Variants in RBM33 observed in about 807,000 individuals in gnomAD.
The protein encoded by RBM33 is RNA-binding protein 33.
In RBM33, 28 loss-of-function variants were observed where a neutral mutation model predicts 132.6. The observed-to-expected ratio is 0.21, with a 90% CI of 0.16 to 0.29. The LOEUF (loss-of-function observed/expected upper bound fraction) is 0.29, where lower values mean the gene tolerates loss of function less well. RBM33 is among the 10% of genes least tolerant of loss of function. The probability of loss-of-function intolerance (pLI) is 1.00; values close to 1 mark genes in which losing one functional copy is unlikely to be tolerated. For synonymous variants in RBM33, 634 were observed against 593.0 expected, an observed-to-expected ratio of 1.07 and a Z score of -1.01; for missense variants, 1,291 against 1,518.5, an observed-to-expected ratio of 0.85 and a Z score of 2.49.
intron 3 of RBM33, among the ~76,000 whole-genome samples, chr7:155,673,768 G>GCGCGCGCGCACACA (rs1554469952): frequency 2.3e-5 from 3 of 132,962 alleles, no homozygotes; most frequent in African/African-American, 6.5e-5. Flanking sequence ...GCGCATGCGC[G>GCGCGCGCGCACACA]CACACACACA....
intron 5 of RBM33, among the ~76,000 whole-genome samples, chr7:155,685,226 A>G (rs1271600611): frequency 2.0e-5 from 3 of 152,160 alleles, no homozygotes; most frequent in African/African-American, 4.8e-5. Context: ...GTGTGCTGTG[A>G]TTTCCGCATA....
At chr7:155,647,587 C>T (rs992533285) in intron 1 of RBM33, among the ~76,000 whole-genome samples, 6 of 152,100 alleles carry the variant, frequency 3.9e-5, no homozygotes, top group Non-Finnish European at 4.4e-5. Context: ...TGCACCAGCA[C>T]GCCTGGCTAA....
chr7:155,718,294 T>C (rs1456793852), intron 8 of RBM33, 91 bp from the exon 9 acceptor site: 4 of 946,326 alleles, frequency 4.2e-6, no homozygotes, highest in East Asian at 4.8e-5. Context: ...GTACGCATAG[T>C]ATATATTTTA....
At chr7:155,681,546 T>G (rs570194436) in intron 5 of RBM33, among the ~76,000 whole-genome samples, 1 of 152,198 alleles carries the variant, frequency 6.6e-6, no homozygotes, top group Non-Finnish European at 1.5e-5. Flanking sequence ...ATTCTCACCT[T>G]TAAATGACTC....
intron 9 of RBM33, among the ~76,000 whole-genome samples, chr7:155,727,458 A>G (rs981952712): frequency 1.3e-5 from 2 of 152,212 alleles, no homozygotes; most frequent in African/African-American, 2.4e-5. Context: ...TGTGGCTGAC[A>G]TGTTTGTCAG....
At position 155,672,758 on chromosome 7, in the gene RBM33, A is replaced by C. The variant is rs1798978536; in HGVS notation, c.123-109A>C. The C allele has an allele frequency of 4.4e-6, 3 of 683,042 alleles. No individual in the cohort carries two copies. In the East Asian group the frequency reaches 9.2e-5, roughly 21 times the overall value. 42.3% of individuals were successfully genotyped at this position (683,042 alleles called of 1,614,324 possible). A position where few individuals can be genotyped will look rare whatever the true frequency, so the allele number is the denominator to read the frequency against. On this transcript the variant is annotated intron_variant, in intron 2 of 17. Coordinates refer to ENST00000401878, the MANE Select transcript of RBM33 (RefSeq NM_053043.3). ...AGGCTTTGTCTCAAAAAAAAAAAAA[A>C]AAAAAAAGGTACCTGAGCTGTAGAG...
chr7:155,764,132 GT>G, intron 15 of RBM33, 114 bp downstream of exon 15: 1 of 797,550 alleles, frequency 1.3e-6, no homozygotes, highest in Non-Finnish European at 1.9e-6. Flanking sequence ...ACATTCATAA[GT>G]GAACCATCAT....
At chr7:155,703,707 C>T (rs1332213489) in intron 6 of RBM33, among the ~76,000 whole-genome samples, 1 of 152,150 alleles carries the variant, frequency 6.6e-6, no homozygotes, top group East Asian at 1.9e-4. Context: ...ATGAATTTTA[C>T]ATCTGAGGAA....
Position 155,774,766 on chromosome 7 carries a change from A to T in RBM33, c.3464+119A>T. ...TCCCCACCTGTTCCTGTAGAAGGACACTAGGGCACAAAGCGCAGACGGTGA... is the reference window on the plus strand; with the variant it reads ...TCCCCACCTGTTCCTGTAGAAGGACTCTAGGGCACAAAGCGCAGACGGTGA... On this transcript the variant is annotated intron_variant, in intron 17 of 17. Transcript: ENST00000401878. This position sits in a 1 kb window ranked among gnomAD's most constrained non-coding sequence, Gnocchi z 4.2. 2 of 903,934 alleles carry T rather than the reference A, an allele frequency of 2.2e-6. No homozygotes were observed. Among genetic ancestry groups the T allele is most frequent in the Non-Finnish European group, 3.6e-6 (2 of 548,572 alleles). The allele number at this position is 903,934 out of a possible 1,614,324, so 56.0% of individuals were successfully genotyped here. A position where few individuals can be genotyped will look rare whatever the true frequency, so the allele number is the denominator to read the frequency against.
chr7:155,706,972 G>T lies in RBM33; in HGVS notation c.852G>T (p.Met284Ile). ...GAGGACGGCGAGGAGGTCCGCTGAT[G>T]TGTCGTGGTGTGGGGGACCAGAGGA... is the stretch of plus-strand genomic sequence containing the variant. ...RRGGRRGGPL[M>I]CRGVGDQRRE... Residue 284 changes from methionine (M) to isoleucine (I), a missense_variant, in exon 7 of 18, where the codon ATG becomes ATT. Physicochemically the swap from Met to Ile is conservative, Grantham distance 10 (BLOSUM62 1). Transcript: ENST00000401878. 6.3e-7 allele frequency: 1 copy of T among 1,598,122 alleles called. No homozygotes were observed.
At chr7:155,765,415 C>T (rs1802180534) in intron 15 of RBM33, among the ~76,000 whole-genome samples, 1 of 152,240 alleles carries the variant, frequency 6.6e-6, no homozygotes, top group African/African-American at 2.4e-5. Flanking sequence ...ACTTAATTCA[C>T]AGGCATAGTT....
chr7:155,716,243 T>C (rs968496755), intron 8 of RBM33, among the ~76,000 whole-genome samples: 1 of 151,488 alleles, frequency 6.6e-6, no homozygotes, highest in African/African-American at 2.4e-5. Context: ...GCCAGGTGTC[T>C]GCACTGTTCC....
rs962699667 is a variant in RBM33 at position 155,779,212 on chromosome 7, T to A, written c.*4171T>A. ...TCCTCCACCCCATTTTTTTTTTTTT[T>A]AATTTGGAGTGGGAGGGAGGGGGGT... On this transcript the variant is annotated 3_prime_UTR_variant, in exon 18 of 18. Transcript: ENST00000401878. 7.0e-6 allele frequency: 1 copy of A among 143,610 alleles called. No individual in the cohort carries two copies. The highest frequency in any genetic ancestry group is 2.5e-4 in the South Asian group (1 of 4,050). The allele number at this position is 143,610 out of a possible 1,614,324, so 8.9% of individuals were successfully genotyped here.
intron 1 of RBM33, among the ~76,000 whole-genome samples, chr7:155,659,972 C>T (rs1249170900): frequency 2.6e-5 from 4 of 152,300 alleles, no homozygotes; most frequent in East Asian, 3.9e-4. Flanking sequence ...TGTTTGTCCC[C>T]AAATCTCCCT....
chr7:155,667,689 C>T (rs550070269), intron 2 of RBM33, among the ~76,000 whole-genome samples: 1 of 152,204 alleles, frequency 6.6e-6, no homozygotes, highest in East Asian at 1.9e-4. Context: ...CCTGAGTGCC[C>T]ACTTCAGGAG....
chr7:155,689,055 T>C (rs1461794220), intron 5 of RBM33, among the ~76,000 whole-genome samples: 1 of 152,218 alleles, frequency 6.6e-6, no homozygotes, highest in Non-Finnish European at 1.5e-5. Flanking sequence ...TGGTACCAGC[T>C]CCTCCTTGTA....
At chr7:155,649,136 G>A (rs1436109299) in intron 1 of RBM33, among the ~76,000 whole-genome samples, 1 of 151,946 alleles carries the variant, frequency 6.6e-6, no homozygotes, top group South Asian at 2.1e-4. Context: ...GCATAGATTG[G>A]TACTTTTAAT....
chr7:155,779,183 A>G lies in RBM33; in HGVS notation c.*4142A>G, dbSNP rs556283444. The G allele has an allele frequency of 1.2e-4, 18 of 145,098 alleles. No homozygotes were observed. The highest frequency in any genetic ancestry group is 3.8e-4 in the African/African-American group (15 of 38,962). 9.0% of individuals were successfully genotyped at this position (145,098 alleles called of 1,614,324 possible). On this transcript the variant is annotated 3_prime_UTR_variant, in exon 18 of 18. Coordinates refer to ENST00000401878, the MANE Select transcript of RBM33 (RefSeq NM_053043.3). Reference sequence around the variant, plus strand: ...CAGGTTGGCTTCCCTTCATTAAGCTATGATCCTCCACCCCATTTTTTTTTT... The same window carrying G: ...CAGGTTGGCTTCCCTTCATTAAGCTGTGATCCTCCACCCCATTTTTTTTTT...
At chr7:155,647,139 G>A (rs1162206579) in intron 1 of RBM33, among the ~76,000 whole-genome samples, 1 of 152,198 alleles carries the variant, frequency 6.6e-6, no homozygotes, top group African/African-American at 2.4e-5. Flanking sequence ...CCACAGAAAT[G>A]TGATTGACAT....
Sources: allele counts gnomAD v4.1 joint callset (sites outside exome capture counted in the v4.1 genomes callset), GRCh38; gene constraint gnomAD v4.1.1; non-coding constraint Gnocchi (gnomAD v3.1); transcripts MANE v1.5; gene names NCBI Gene and HGNC (gene_info 2026-07-23, HGNC 2026-07-21).